Variants in C12orf42 observed in about 807,000 individuals in gnomAD.
C12orf42 encodes uncharacterized protein C12orf42.
A neutral mutation model predicts 21.6 loss-of-function variants in C12orf42; 25 were observed. The ratio of observed to expected loss-of-function variants is 1.16; its 90% CI spans 0.84 to 1.62. The LOEUF (loss-of-function observed/expected upper bound fraction) is 1.62, where lower values mean the gene tolerates loss of function less well. Ranked by LOEUF, C12orf42 falls within the 40% of genes most tolerant of loss-of-function variation. The pLI, the probability that C12orf42 is intolerant of heterozygous loss-of-function variation, is 0.00. For missense variants in C12orf42, 483 were observed against 459.3 expected (o/e 1.05, Z -0.47); for synonymous variants, 174 against 175.0 (o/e 0.99, Z 0.05).
At chr12:103,244,744 T>C (rs1327610754) in intron 10 of C12orf42, among the ~76,000 whole-genome samples, 2 of 152,070 alleles carry the variant, frequency 1.3e-5, no homozygotes, top group African/African-American at 4.8e-5. Context: ...ATGTATTTTT[T>C]ACTTTCTTTT....
chr12:103,104,823 A>C, the C12orf42 span, among the ~76,000 whole-genome samples: 1 of 152,216 alleles, frequency 6.6e-6, no homozygotes, highest in Admixed American at 6.5e-5. Context: ...GCATCCACAT[A>C]AGGTTCTAAC....
At chr12:103,497,083 T>G (rs901633323), upstream of C12orf42, among the ~76,000 whole-genome samples, 1 of 152,244 alleles carries the variant, frequency 6.6e-6, no homozygotes, top group African/African-American at 2.4e-5. Flanking sequence ...CAGGCTAATT[T>G]TATGATTAAA....
At chr12:103,068,079 C>T in the C12orf42 span, among the ~76,000 whole-genome samples, 5 of 152,096 alleles carry the variant, frequency 3.3e-5, no homozygotes, top group Admixed American at 6.5e-5. Context: ...TGAGGTGTTT[C>T]CTGAAGGCAA....
At chr12:103,219,786 A>G in the C12orf42 span, among the ~76,000 whole-genome samples, 1 of 152,218 alleles carries the variant, frequency 6.6e-6, no homozygotes, top group Non-Finnish European at 1.5e-5. Flanking sequence ...GATGTGGACA[A>G]ATAGGAATGC....
intron 2 of C12orf42, among the ~76,000 whole-genome samples, chr12:103,450,407 A>G (rs750835973): frequency 6.6e-6 from 1 of 152,000 alleles, no homozygotes; most frequent in Non-Finnish European, 1.5e-5. Flanking sequence ...TTATTTACTA[A>G]TATTTTGGAT....
intron 1 of C12orf42, among the ~76,000 whole-genome samples, chr12:103,480,405 A>C (rs1954381388): frequency 6.7e-6 from 1 of 150,248 alleles, no homozygotes; most frequent in Non-Finnish European, 1.5e-5. Context: ...ATATTTGTGG[A>C]TTCTTTTTAT....
intron 4 of C12orf42, among the ~76,000 whole-genome samples, chr12:103,357,187 C>A (rs1302596515): frequency 6.6e-6 from 1 of 151,258 alleles, no homozygotes; most frequent in African/African-American, 2.4e-5. Context: ...AGGAGATATA[C>A]CTAATGCTAA....
At chr12:103,477,909 A>C in intron 2 of C12orf42, 1 of 178,344 alleles carries the variant, frequency 5.6e-6, no homozygotes. Context: ...ACTAATACAG[A>C]ATCATTCTTA....
rs534943961 is a variant in C12orf42 at position 103,447,061 on chromosome 12, T to C, written c.78+31288A>G. 5.9e-5 allele frequency among the ~76,000 whole-genome samples: 9 copies of C among 152,128 alleles called. No homozygotes were observed. The South Asian group carries it at 1.9e-3, about 32-fold the overall frequency. On this transcript the variant is annotated intron_variant, in intron 2 of 5. Transcript: ENST00000548883. ...CTATGCAACAACTGCAGAATATACATTCTGGTCATCAGCACATGGAACATT... is the reference window on the plus strand; with the variant it reads ...CTATGCAACAACTGCAGAATATACACTCTGGTCATCAGCACATGGAACATT...
the C12orf42 span, among the ~76,000 whole-genome samples, chr12:103,163,985 G>T: frequency 6.6e-6 from 1 of 152,170 alleles, no homozygotes; most frequent in Admixed American, 6.5e-5. Flanking sequence ...GTCCAAACTA[G>T]ATTTACTGTA....
At chr12:103,408,470 C>T (rs12299602) in intron 2 of C12orf42, among the ~76,000 whole-genome samples, 2 of 152,120 alleles carry the variant, frequency 1.3e-5, no homozygotes, top group African/African-American at 4.8e-5. Context: ...CTAATCTTCT[C>T]TTCAAGGAAA....
At chr12:103,128,529 A>C in the C12orf42 span, among the ~76,000 whole-genome samples, 1 of 152,338 alleles carries the variant, frequency 6.6e-6, no homozygotes, top group Non-Finnish European at 1.5e-5. Context: ...CTTGCCAAGC[A>C]CTGTTCTAAA....
the C12orf42 span, among the ~76,000 whole-genome samples, chr12:103,160,174 T>C: frequency 4.6e-5 from 7 of 152,350 alleles, no homozygotes; most frequent in East Asian, 9.6e-4. Flanking sequence ...AATTCCATCA[T>C]TGATCCTTCC....
chr12:103,163,346 A>C, the C12orf42 span, among the ~76,000 whole-genome samples: 1 of 152,216 alleles, frequency 6.6e-6, no homozygotes, highest in Non-Finnish European at 1.5e-5. Context: ...GGAAGGAATC[A>C]GGTAGCCAAC....
the C12orf42 span, among the ~76,000 whole-genome samples, chr12:103,534,660 G>A: frequency 2.0e-5 from 3 of 152,118 alleles, no homozygotes; most frequent in African/African-American, 7.2e-5. Context: ...AAATGAATAA[G>A]CAATTATGGT....
chr12:103,106,124 A>T, the C12orf42 span, among the ~76,000 whole-genome samples: 1 of 152,202 alleles, frequency 6.6e-6, no homozygotes, highest in African/African-American at 2.4e-5. Flanking sequence ...TAAAAAATAT[A>T]TTCCCTCCTG....
intron 4 of C12orf42, among the ~76,000 whole-genome samples, chr12:103,353,933 A>G (rs7980952): frequency 0.03 from 4,620 of 152,252 alleles, 208 homozygotes; most frequent in African/African-American, 0.1. Context: ...AAGAAAGAGA[A>G]AGAAATCTTC....
the C12orf42 span, among the ~76,000 whole-genome samples, chr12:103,137,793 C>G: frequency 4.6e-5 from 7 of 152,048 alleles, no homozygotes; most frequent in Admixed American, 2.0e-4. Context: ...ACTGCATGTT[C>G]TCACTCAGAT....
chr12:103,096,725 G>T, the C12orf42 span, among the ~76,000 whole-genome samples: 5 of 152,184 alleles, frequency 3.3e-5, no homozygotes, highest in African/African-American at 1.2e-4. Context: ...CTGAGGAAAA[G>T]ATATTTAAAG....
Sources: gnomAD v4.1 joint callset for allele counts (sites outside exome capture counted in the v4.1 genomes callset) on GRCh38, gnomAD v4.1.1 for gene constraint, MANE v1.5 for transcripts, NCBI Gene and HGNC (gene_info 2026-07-23, HGNC 2026-07-21) for gene names.